SDK1: variants seen among roughly 807,000 people sequenced by gnomAD.
The protein encoded by SDK1 is sidekick cell adhesion molecule 1, also known as protein sidekick-1.
In SDK1, 157 loss-of-function variants were observed where a neutral mutation model predicts 245.5. The ratio of observed to expected loss-of-function variants is 0.64; its 90% CI spans 0.56 to 0.73. The LOEUF (loss-of-function observed/expected upper bound fraction) is 0.73. SDK1 is among the 30% of genes least tolerant of loss of function. SDK1 has a pLI of 0.00. For synonymous variants in SDK1, 1,647 were observed against 1,278.5 expected (o/e 1.29, Z -6.15); for missense variants, 3,583 against 3,002.3 (o/e 1.19, Z -4.52).
Position 4,110,504 on chromosome 7 carries a change from G to A in SDK1, c.3325-159G>A, listed in dbSNP as rs182754113. Among the ~76,000 whole-genome samples, 311 of 152,280 alleles carry A rather than the reference G, an allele frequency of 2.0e-3. 1 individual carries two copies. Among genetic ancestry groups the A allele is most frequent in the Non-Finnish European group, 3.6e-3 (242 of 68,022 alleles). ...GCATAGCAAGAGCCTGTATCTCCAA[G>A]GCACAAGAGGGGGTTGTGCAGGACT... On this transcript the variant is annotated intron_variant, in intron 22 of 44. Transcript: ENST00000404826.
intron 5 of SDK1, among the ~76,000 whole-genome samples, chr7:3,838,351 C>A (rs1284178742): frequency 6.6e-6 from 1 of 152,178 alleles, no homozygotes; most frequent in Non-Finnish European, 1.5e-5. Context: ...CTGGAAAACC[C>A]AGCATGGGGC....
intron 40 of SDK1, among the ~76,000 whole-genome samples, chr7:4,221,735 G>T (rs892733913): frequency 1.4e-4 from 21 of 152,174 alleles, no homozygotes; most frequent in Non-Finnish European, 2.6e-4. Context: ...GTTTGCTGCC[G>T]AGATGGAAAA....
intron 4 of SDK1, among the ~76,000 whole-genome samples, chr7:3,709,088 T>C (rs1396490065): frequency 6.6e-6 from 1 of 152,242 alleles, no homozygotes; most frequent in Admixed American, 6.5e-5. Context: ...AACCTTTTGT[T>C]TCAGAATTCA....
chr7:3,560,941 A>G (rs978162896), intron 1 of SDK1, among the ~76,000 whole-genome samples: 4 of 152,148 alleles, frequency 2.6e-5, no homozygotes, highest in African/African-American at 9.7e-5. Flanking sequence ...GGTCATCCCC[A>G]TTCATTCCAC....
chr7:3,790,556 C>T (rs1055083167), intron 4 of SDK1, among the ~76,000 whole-genome samples: 2 of 152,128 alleles, frequency 1.3e-5, no homozygotes. Context: ...ACCTGTAATC[C>T]CAGCACTTTG....
At chr7:3,761,024 G>A (rs1780081410) in intron 4 of SDK1, among the ~76,000 whole-genome samples, 1 of 152,072 alleles carries the variant, frequency 6.6e-6, no homozygotes, top group Non-Finnish European at 1.5e-5. Context: ...GTAATTTTTT[G>A]GGAACTTACA....
At chr7:4,223,299 G>T (rs919653836) in intron 40 of SDK1, among the ~76,000 whole-genome samples, 1 of 152,192 alleles carries the variant, frequency 6.6e-6, no homozygotes, top group Non-Finnish European at 1.5e-5. Flanking sequence ...GGCATTTCCT[G>T]TAATTATGGA....
At chr7:4,234,190 C>T (rs1042110397) in intron 41 of SDK1, among the ~76,000 whole-genome samples, 7 of 152,184 alleles carry the variant, frequency 4.6e-5, no homozygotes, top group Non-Finnish European at 1.0e-4. Context: ...TCAAGGTGAG[C>T]AGTATTGCCG....
intron 1 of SDK1, among the ~76,000 whole-genome samples, chr7:3,349,138 G>T (rs961116177): frequency 2.0e-5 from 3 of 151,852 alleles, no homozygotes; most frequent in Non-Finnish European, 4.4e-5. Flanking sequence ...TACTTCTGCT[G>T]CCTCCTTCCT....
chr7:3,822,350 G>T (rs549469677), intron 5 of SDK1, among the ~76,000 whole-genome samples: 1 of 152,318 alleles, frequency 6.6e-6, no homozygotes, highest in South Asian at 2.1e-4. Flanking sequence ...AGTCATGGCG[G>T]ATGGTAAATT....
intron 5 of SDK1, among the ~76,000 whole-genome samples, chr7:3,895,925 T>A (rs1781593141): frequency 6.6e-6 from 1 of 152,246 alleles, no homozygotes; most frequent in African/African-American, 2.4e-5. Flanking sequence ...CTGATTTAAT[T>A]CTGCGGTGGC....
intron 5 of SDK1, among the ~76,000 whole-genome samples, chr7:3,824,388 C>T (rs987891753): frequency 2.0e-5 from 3 of 152,142 alleles, no homozygotes; most frequent in African/African-American, 7.2e-5. Flanking sequence ...TTTTTGCTTG[C>T]TGTCGGGAGA....
At chr7:4,079,129 T>G (rs1780893867) in intron 21 of SDK1, among the ~76,000 whole-genome samples, 1 of 152,204 alleles carries the variant, frequency 6.6e-6, no homozygotes, top group Non-Finnish European at 1.5e-5. Context: ...CATTCATTCA[T>G]CCTTTCCTCA....
intron 7 of SDK1, among the ~76,000 whole-genome samples, chr7:3,954,479 CCA>C (rs1280582828): frequency 1.2e-4 from 1 of 8,478 alleles, no homozygotes; most frequent in African/African-American, 7.0e-4. Flanking sequence ...TCTACGCCCT[CCA>C]CCCTCCCCCC....
intron 1 of SDK1, among the ~76,000 whole-genome samples, chr7:3,362,054 AGAAAG>A (rs1444016999): frequency 2.6e-5 from 4 of 152,230 alleles, no homozygotes; most frequent in African/African-American, 9.6e-5. Context: ...AAAGCAGGAT[AGAAAG>A]GAAAGGAGAG....
chr7:3,991,095 G>A (rs761662618), intron 14 of SDK1, among the ~76,000 whole-genome samples: 29 of 152,328 alleles, frequency 1.9e-4, no homozygotes, highest in African/African-American at 5.5e-4. Context: ...GCACGTTCCC[G>A]GCTAGGTACG....
At chr7:3,430,510 A>G (rs1040717647) in intron 1 of SDK1, among the ~76,000 whole-genome samples, 3 of 152,038 alleles carry the variant, frequency 2.0e-5, no homozygotes, top group African/African-American at 7.2e-5. Context: ...ACTTGAAACA[A>G]GCTTCCTCCT....
At chr7:3,896,284 T>C (rs1781603406) in intron 5 of SDK1, among the ~76,000 whole-genome samples, 2 of 152,342 alleles carry the variant, frequency 1.3e-5, no homozygotes, top group East Asian at 3.9e-4. Context: ...TTAATACTTC[T>C]TGAAGTGCTG....
Position 3,723,943 on chromosome 7 carries a change from T to TAGAGAG in SDK1, c.713+81868_713+81873dup, listed in dbSNP as rs542853903. Among the ~76,000 whole-genome samples the TAGAGAG allele has an allele frequency of 1.4e-4, 13 of 89,694 alleles. No individual in the cohort carries two copies. In the East Asian group the frequency reaches 3.9e-3, roughly 27 times the overall value. The allele number at this position is 89,694 out of a possible 152,430, so 58.8% of individuals were successfully genotyped here. ...ATACACGTATATATATATATATATA[T>TAGAGAG]AGAGAGAGAGAGAGAGAGAGAGAGA... On this transcript the variant is annotated intron_variant, in intron 4 of 44. Coordinates refer to ENST00000404826, the MANE Select transcript of SDK1 (RefSeq NM_152744.4).
Sources: gnomAD v4.1 joint callset for allele counts (sites outside exome capture counted in the v4.1 genomes callset) on GRCh38, gnomAD v4.1.1 for gene constraint, MANE v1.5 for transcripts, NCBI Gene and HGNC (gene_info 2026-07-23, HGNC 2026-07-21) for gene names.